HDAC9: variants seen among roughly 807,000 people sequenced by gnomAD.
HDAC9 encodes MEF-2 interacting transcription repressor (MITR) protein.
Under a neutral mutation model 139.4 loss-of-function variants are expected in HDAC9, and 41 were observed. That is an observed-to-expected ratio of 0.29 (90% confidence interval 0.23 to 0.38). The LOEUF (loss-of-function observed/expected upper bound fraction) is 0.38. Among genes scored for constraint, HDAC9 ranks in the 10% least tolerant of loss-of-function variants. The pLI, the probability that HDAC9 is intolerant of heterozygous loss-of-function variation, is 1.00. For missense variants in HDAC9, 1,147 were observed against 1,297.0 expected, an observed-to-expected ratio of 0.88 and a Z score of 1.78; for synonymous variants, 517 against 476.2, an observed-to-expected ratio of 1.09 and a Z score of -1.12.
intron 14 of HDAC9, among the ~76,000 whole-genome samples, chr7:18,760,977 T>C (rs1405135208): frequency 1.3e-5 from 2 of 152,236 alleles, no homozygotes; most frequent in African/African-American, 4.8e-5. Flanking sequence ...CCGGGTTACC[T>C]GGTGGTTCCT....
intron 12 of HDAC9, among the ~76,000 whole-genome samples, chr7:18,720,129 G>A (rs1785033786): frequency 6.6e-6 from 1 of 152,010 alleles, no homozygotes; most frequent in South Asian, 2.1e-4. Context: ...GACCTTTGAT[G>A]CAGGAAATGG....
At chr7:18,881,454 C>G (rs915185307) in intron 22 of HDAC9, among the ~76,000 whole-genome samples, 1 of 152,030 alleles carries the variant, frequency 6.6e-6, no homozygotes, top group Non-Finnish European at 1.5e-5. Context: ...TCCACTTTTC[C>G]ATTTCTTGTG....
At chr7:18,133,331 C>A (rs748440794) in intron 1 of HDAC9, among the ~76,000 whole-genome samples, 1 of 152,052 alleles carries the variant, frequency 6.6e-6, no homozygotes, top group Non-Finnish European at 1.5e-5. Context: ...CCTCTTATCA[C>A]CCTCTTAAGA....
intron 13 of HDAC9, among the ~76,000 whole-genome samples, chr7:18,746,847 A>G (rs567606670): frequency 6.6e-6 from 1 of 152,020 alleles, no homozygotes; most frequent in Non-Finnish European, 1.5e-5. Flanking sequence ...TAACAAAATT[A>G]TACAACAATT....
chr7:18,424,324 T>C (rs775111528), intron 1 of HDAC9, among the ~76,000 whole-genome samples: 3 of 152,206 alleles, frequency 2.0e-5, no homozygotes, highest in Non-Finnish European at 2.9e-5. Flanking sequence ...TTTGGGCAAG[T>C]TATTTTAAAT....
chr7:18,549,207 C>T (rs1391583066), intron 2 of HDAC9, among the ~76,000 whole-genome samples: 1 of 152,142 alleles, frequency 6.6e-6, no homozygotes, highest in South Asian at 2.1e-4. Flanking sequence ...CACTGCACTC[C>T]AGCCTGGTGA....
intron 1 of HDAC9, among the ~76,000 whole-genome samples, chr7:18,489,219 T>C (rs993066393): frequency 4.6e-5 from 7 of 152,052 alleles, no homozygotes; most frequent in Non-Finnish European, 4.4e-5. Context: ...AAATGAACTA[T>C]TTTTTCAAGT....
At chr7:18,673,811 G>T (rs1301540004) in intron 12 of HDAC9, among the ~76,000 whole-genome samples, 4 of 151,982 alleles carry the variant, frequency 2.6e-5, no homozygotes, top group Non-Finnish European at 5.9e-5. Flanking sequence ...TAACATAGAG[G>T]CATAAAATGT....
intron 6 of HDAC9, among the ~76,000 whole-genome samples, chr7:18,624,483 G>A (rs878873150): frequency 6.6e-6 from 1 of 152,114 alleles, no homozygotes; most frequent in African/African-American, 2.4e-5. Flanking sequence ...CTTGCCTTCT[G>A]TTTCTATGAT....
chr7:18,580,071 T>G (rs1827306370), intron 2 of HDAC9, among the ~76,000 whole-genome samples: 1 of 152,212 alleles, frequency 6.6e-6, no homozygotes, highest in African/African-American at 2.4e-5. Flanking sequence ...TAAGAAATAC[T>G]CTGTGGTAAC....
At chr7:18,867,675 C>T (rs1227310373) in intron 21 of HDAC9, among the ~76,000 whole-genome samples, 3 of 152,122 alleles carry the variant, frequency 2.0e-5, no homozygotes, top group Non-Finnish European at 4.4e-5. Flanking sequence ...TAGAGCTTCA[C>T]ACTGGTTGGA....
At chr7:18,995,976 A>T (rs765289710) in intron 25 of HDAC9, 47 bp from the exon 26 acceptor site, 9 of 1,456,492 alleles carry the variant, frequency 6.2e-6, no homozygotes, top group Non-Finnish European at 7.6e-6. Flanking sequence ...CTACAATGTC[A>T]TTGTGTACTC....
chr7:18,608,094 A>T (rs1836024058), intron 6 of HDAC9, among the ~76,000 whole-genome samples: 2 of 152,178 alleles, frequency 1.3e-5, no homozygotes, highest in African/African-American at 4.8e-5. Flanking sequence ...CAACTATAGA[A>T]CTGAGAACAC....
Position 18,694,007 on chromosome 7 carries a change from G to A in HDAC9, c.1731+27531G>A, listed in dbSNP as rs554647900. On this transcript the variant is annotated intron_variant, in intron 12 of 25. Coordinates refer to ENST00000686413, the MANE Select transcript of HDAC9 (RefSeq NM_178425.4). ...TGTTGGTAACCGATTGTACACACAG[G>A]ATCCAAGCAAAACATCTTGAATTGC... 7.9e-4 allele frequency among the ~76,000 whole-genome samples: 121 copies of A among 152,244 alleles called. 1 individual carries two copies. Among genetic ancestry groups the A allele is most frequent in the African/African-American group, 2.7e-3 (114 of 41,540 alleles).
At chr7:18,640,036 G>T (rs1785075083) in intron 8 of HDAC9, among the ~76,000 whole-genome samples, 1 of 151,890 alleles carries the variant, frequency 6.6e-6, no homozygotes, top group Non-Finnish European at 1.5e-5. Context: ...CATGCATATT[G>T]TAGATAATTT....
At chr7:18,809,958 G>A (rs1252909716) in intron 17 of HDAC9, among the ~76,000 whole-genome samples, 4 of 151,894 alleles carry the variant, frequency 2.6e-5, no homozygotes, top group East Asian at 1.9e-4. Context: ...GGCAAGATAC[G>A]GAAAAAACCT....
intron 22 of HDAC9, among the ~76,000 whole-genome samples, chr7:18,928,267 C>G (rs1228033719): frequency 6.6e-6 from 1 of 152,152 alleles, no homozygotes; most frequent in African/African-American, 2.4e-5. Context: ...GGGAGAATCT[C>G]TCATTTCTCT....
At chr7:18,511,254 C>T (rs1801417527) in intron 2 of HDAC9, among the ~76,000 whole-genome samples, 1 of 152,124 alleles carries the variant, frequency 6.6e-6, no homozygotes, top group Admixed American at 6.5e-5. Flanking sequence ...CCGTAGTACC[C>T]CTAGTCTCTC....
chr7:18,618,726 G>GTCTATATATATA (rs71553930), intron 6 of HDAC9, among the ~76,000 whole-genome samples: 1 of 120,038 alleles, frequency 8.3e-6, no homozygotes, highest in East Asian at 2.2e-4. Flanking sequence ...ACAGAATTTT[G>GTCTATATATATA]TATATATATA....
Sources: gnomAD v4.1 joint callset for allele counts (sites outside exome capture counted in the v4.1 genomes callset) on GRCh38, gnomAD v4.1.1 for gene constraint, MANE v1.5 for transcripts, NCBI Gene and HGNC (gene_info 2026-07-23, HGNC 2026-07-21) for gene names.